Variants in TEX11 observed in about 807,000 individuals in gnomAD.
TEX11 encodes the protein testis-expressed protein 11.
Under a neutral mutation model 84.4 loss-of-function variants are expected in TEX11, and 7 were observed. That is an observed-to-expected ratio of 0.08 (90% CI 0.05 to 0.16). The LOEUF (loss-of-function observed/expected upper bound fraction) is 0.16, where lower values mean the gene tolerates loss of function less well. Ranked by LOEUF, TEX11 falls within the 10% of genes least tolerant of loss-of-function variation. The pLI is 1.00. For missense variants in TEX11, 551 were observed against 660.5 expected (o/e 0.83, Z 1.82); for synonymous variants, 264 against 222.8 (o/e 1.18, Z -1.64).
intron 9 of TEX11, among the ~76,000 whole-genome samples, chrX:70,756,877 G>A (rs919652288): frequency 3.6e-5 from 4 of 111,737 alleles, no homozygotes; most frequent in Non-Finnish European, 5.6e-5. Context: ...CTTGAAAAAA[G>A]GTTAGACAAC....
chrX:70,743,668 G>A (rs756025724), intron 10 of TEX11, among the ~76,000 whole-genome samples: 1 of 110,918 alleles, frequency 9.0e-6, no homozygotes, highest in African/African-American at 3.3e-5. Flanking sequence ...CTGAGGTCAG[G>A]AGTTCCAGAC....
intron 13 of TEX11, among the ~76,000 whole-genome samples, chrX:70,702,014 C>T (rs1431695786): frequency 2.7e-5 from 3 of 112,002 alleles, no homozygotes; most frequent in Non-Finnish European, 3.8e-5. Context: ...GAATCTACTT[C>T]TGGTGAAGAT....
chrX:70,785,563 T>A (rs2091072743), intron 9 of TEX11, among the ~76,000 whole-genome samples: 1 of 111,865 alleles, frequency 8.9e-6, no homozygotes, highest in Non-Finnish European at 1.9e-5. Flanking sequence ...TTTCACAACC[T>A]ACTCATCTGA....
intron 25 of TEX11, 37 bp from the exon 26 acceptor site, chrX:70,554,837 T>C (rs2088265121): frequency 8.9e-7 from 1 of 1,127,883 alleles, no homozygotes; most frequent in Non-Finnish European, 1.2e-6. Flanking sequence ...TCTTTGTGAT[T>C]ATATTATATT....
Position 70,712,864 on chromosome X carries a change from G to A in TEX11, c.1004+9754C>T, listed in dbSNP as rs191902127. Reference sequence around the variant, plus strand: ...TGGTGAGAGAGGGCATCCCTGTCTTGTGCCGGTTTTCAAAGGGAATGCTTC... The same window carrying A: ...TGGTGAGAGAGGGCATCCCTGTCTTATGCCGGTTTTCAAAGGGAATGCTTC... On this transcript the variant is annotated intron_variant, in intron 13 of 29. Coordinates refer to ENST00000374333, the MANE Select transcript of TEX11 (RefSeq NM_031276.3). Among the ~76,000 whole-genome samples, 24 of 111,491 alleles carry A rather than the reference G, an allele frequency of 2.2e-4. 2 individuals are homozygous for A. The highest frequency in any genetic ancestry group is 4.1e-4 in the Non-Finnish European group (22 of 53,122).
rs147899440 is a variant in TEX11 at position 70,853,145 on chromosome X, C to T, written c.414G>A (p.Glu138=). 2.9e-4 allele frequency: 349 copies of T among 1,208,359 alleles called. No homozygotes were observed. The highest frequency in any genetic ancestry group is 1.4e-3 in the Middle Eastern group (6 of 4,353). Reference sequence around the variant, plus strand: ...TTTGAATTAATTTGACGTATAATTGCTCCAGACTCTGGAAAATAAACCCAC... The same window carrying T: ...TTTGAATTAATTTGACGTATAATTGTTCCAGACTCTGGAAAATAAACCCAC... The part of the protein sequence containing the change: ...ECFQAAVASL[E]QLYVKLIQRS... Residue 138 remains glutamate (E), a synonymous_variant, in exon 7 of 30, where the codon GAG becomes GAA. Coordinates refer to ENST00000374333, the MANE Select transcript of TEX11 (RefSeq NM_031276.3).
intron 9 of TEX11, among the ~76,000 whole-genome samples, chrX:70,805,309 A>G (rs1176854041): frequency 9.0e-6 from 1 of 111,516 alleles, no homozygotes; most frequent in Non-Finnish European, 1.9e-5. Flanking sequence ...TAATCATAGG[A>G]GTATCCCCAA....
At chrX:70,751,705 G>C (rs2090827210) in intron 9 of TEX11, among the ~76,000 whole-genome samples, 1 of 111,648 alleles carries the variant, frequency 9.0e-6, no homozygotes, top group Non-Finnish European at 1.9e-5. Flanking sequence ...TCAAAATTAA[G>C]AGTAAATAAA....
intron 9 of TEX11, among the ~76,000 whole-genome samples, chrX:70,787,571 C>T (rs2091087312): frequency 9.1e-6 from 1 of 110,163 alleles, no homozygotes; most frequent in Admixed American, 9.7e-5. Context: ...CCTCGTGATC[C>T]GCCCACCTCG....
intron 11 of TEX11, among the ~76,000 whole-genome samples, chrX:70,725,555 C>T (rs1398395713): frequency 1.8e-5 from 2 of 111,828 alleles, no homozygotes; most frequent in Non-Finnish European, 3.8e-5. Context: ...TGGAAAAGAA[C>T]ATGTAAATAT....
chrX:70,858,657 A>G (rs1163163166), intron 5 of TEX11, among the ~76,000 whole-genome samples: 2 of 111,663 alleles, frequency 1.8e-5, no homozygotes, highest in African/African-American at 6.5e-5. Flanking sequence ...AAGCATTTAC[A>G]AGCTGAAAAA....
At chrX:70,681,592 T>C (rs747453906) in intron 14 of TEX11, among the ~76,000 whole-genome samples, 7 of 112,024 alleles carry the variant, frequency 6.2e-5, no homozygotes, top group Non-Finnish European at 1.3e-4. Flanking sequence ...TATATCACAG[T>C]GATGCCTTTG....
At chrX:70,566,511 GC>G (rs1439248380) in intron 25 of TEX11, among the ~76,000 whole-genome samples, 1 of 111,059 alleles carries the variant, frequency 9.0e-6, no homozygotes, top group Non-Finnish European at 1.9e-5. Context: ...TTCCGTTTTT[GC>G]CCATTCAGTA....
rs779022370 is a variant in TEX11, at chrX:70,679,555, C to G, written c.1157-666G>C. On this transcript the variant is annotated intron_variant, in intron 14 of 29. Transcript: ENST00000374333. ...TGAGGAGCGTCTCTGCCCGGCCGCC[C>G]CGTCTGAGAAGTGAGGAGACCCTCT... is the stretch of plus-strand genomic sequence containing the variant. Among the ~76,000 whole-genome samples the G allele has an allele frequency of 2.2e-3, 244 of 110,222 alleles. 3 individuals carry two copies. The highest frequency in any genetic ancestry group is 7.5e-3 in the African/African-American group (226 of 30,278).
At chrX:70,624,470 A>G (rs1477653932) in intron 19 of TEX11, among the ~76,000 whole-genome samples, 1 of 111,691 alleles carries the variant, frequency 9.0e-6, no homozygotes, top group Non-Finnish European at 1.9e-5. Context: ...TTAAAACCTA[A>G]AAAGCTTTAA....
At chrX:70,739,106 C>T (rs1035843984) in intron 11 of TEX11, among the ~76,000 whole-genome samples, 1 of 111,536 alleles carries the variant, frequency 9.0e-6, no homozygotes. Context: ...TATCCTAGAA[C>T]TTAAAGTAAA....
Position 70,731,161 on chromosome X carries a change from G to A in TEX11, c.844-5818C>T, listed in dbSNP as rs1308723660. 3.6e-5 allele frequency among the ~76,000 whole-genome samples: 4 copies of A among 112,032 alleles called. No individual in the cohort carries two copies. In the Admixed American group the frequency reaches 3.8e-4, roughly 11 times the overall value. On this transcript the variant is annotated intron_variant, in intron 11 of 29. Coordinates refer to ENST00000374333, the MANE Select transcript of TEX11 (RefSeq NM_031276.3). ...TGGGACACATTCAAAGCAGTGTGTAGAGGGAAATTTATAGCACTAAATGCC... is the reference window on the plus strand; with the variant it reads ...TGGGACACATTCAAAGCAGTGTGTAAAGGGAAATTTATAGCACTAAATGCC...
Position 70,678,818 on chromosome X carries a change from C to T in TEX11, c.1228G>A (p.Ala410Thr), listed in dbSNP as rs1392568993. Residue 410 changes from alanine (A) to threonine (T), a missense_variant, in exon 15 of 30, where the codon GCC becomes ACC. Transcript: ENST00000374333. Reference sequence around the variant, plus strand: ...TATTCTCAAACCTCAAAACTACTGGCAGCTTGTCTCCACAGAATGTTGTGT... The same window carrying T: ...TATTCTCAAACCTCAAAACTACTGGTAGCTTGTCTCCACAGAATGTTGTGT... The part of the protein sequence containing the change: ...WLHNILWRQA[A>T]SSFEVQNYTD... The T allele has an allele frequency of 1.7e-6, 2 of 1,203,003 alleles. No individual in the cohort carries two copies. The highest frequency in any genetic ancestry group is 2.2e-6 in the Non-Finnish European group (2 of 892,436).
At chrX:70,699,270 C>G (rs765826684) in intron 13 of TEX11, among the ~76,000 whole-genome samples, 3 of 111,581 alleles carry the variant, frequency 2.7e-5, no homozygotes, top group Non-Finnish European at 5.6e-5. Flanking sequence ...GACTCTAACA[C>G]CAGCCACTAT....
Sources: allele counts gnomAD v4.1 joint callset (sites outside exome capture counted in the v4.1 genomes callset), GRCh38; gene constraint gnomAD v4.1.1; transcripts MANE v1.5; gene names NCBI Gene and HGNC (gene_info 2026-07-23, HGNC 2026-07-21).